Variants in DYNAP observed in about 807,000 individuals in gnomAD.
DYNAP encodes dynactin-associated protein.
Under a neutral mutation model 8.5 loss-of-function variants are expected in DYNAP, and 7 were observed. The observed-to-expected ratio is 0.82, with a 90% CI of 0.47 to 1.54. DYNAP has a LOEUF of 1.54. DYNAP is among the 40% of genes most tolerant of loss of function. DYNAP has a pLI of 0.01. For missense variants in DYNAP, 256 were observed against 224.3 expected, an observed-to-expected ratio of 1.14 and a Z score of -0.90; for synonymous variants, 77 against 77.9, an observed-to-expected ratio of 0.99 and a Z score of 0.06.
chr18:54,586,251 G>C (rs1455008713), upstream of DYNAP, among the ~76,000 whole-genome samples: 1 of 152,084 alleles, frequency 6.6e-6, no homozygotes, highest in African/African-American at 2.4e-5. Context: ...ATAAACCTCA[G>C]CTCCAAAAGC....
At chr18:54,597,741 G>A (rs757930502) in intron 2 of DYNAP, 72 bp from the exon 3 acceptor site, 176 of 1,454,116 alleles carry the variant, frequency 1.2e-4, no homozygotes, top group Non-Finnish European at 1.6e-4. Flanking sequence ...TAAGTTATAA[G>A]TAATATAAAA....
the DYNAP span, among the ~76,000 whole-genome samples, chr18:54,580,227 T>C: frequency 6.6e-6 from 1 of 152,228 alleles, no homozygotes; most frequent in African/African-American, 2.4e-5. Flanking sequence ...GCAGTAAAAA[T>C]TATGACTTGG....
Position 54,598,215 on chromosome 18 carries a change from T to C in DYNAP, c.*70T>C. On this transcript the variant is annotated 3_prime_UTR_variant, in exon 3 of 3. Transcript: ENST00000648945. ...ACCACTTCAACTCAGTTTGCAACTATAATAGCTACTCCTATCACTTCAAGT... is the reference window on the plus strand; with the variant it reads ...ACCACTTCAACTCAGTTTGCAACTACAATAGCTACTCCTATCACTTCAAGT... 1 of 1,453,562 alleles carries C rather than the reference T, an allele frequency of 6.9e-7. No homozygotes were observed. The highest frequency in any genetic ancestry group is 9.4e-7 in the Non-Finnish European group (1 of 1,062,702). The allele number at this position is 1,453,562 out of a possible 1,614,324, so 90.0% of individuals were successfully genotyped here. A position where few individuals can be genotyped will look rare whatever the true frequency, so the allele number is the denominator to read the frequency against.
At chr18:54,587,714 C>A, upstream of DYNAP, 1 of 393,672 alleles carries the variant, frequency 2.5e-6, no homozygotes, top group Non-Finnish European at 4.5e-6. Flanking sequence ...ATTGTATATC[C>A]ATATTCTGAA....
upstream of DYNAP, among the ~76,000 whole-genome samples, chr18:54,583,717 TACTC>T (rs1287862073): frequency 3.3e-5 from 5 of 152,228 alleles, no homozygotes; most frequent in African/African-American, 7.2e-5. Flanking sequence ...AATATTATCT[TACTC>T]AGCACTGCTA....
chr18:54,586,851 A>G (rs1382735173), upstream of DYNAP, among the ~76,000 whole-genome samples: 2 of 152,204 alleles, frequency 1.3e-5, no homozygotes, highest in African/African-American at 2.4e-5. Context: ...AGGGACATAA[A>G]CGTTTCTATA....
At chr18:54,586,655 C>T (rs927588201), upstream of DYNAP, among the ~76,000 whole-genome samples, 1 of 152,102 alleles carries the variant, frequency 6.6e-6, no homozygotes, top group African/African-American at 2.4e-5. Flanking sequence ...GTGGTACACA[C>T]TAGACACTAA....
chr18:54,596,616 G>C (rs1464614438), intron 2 of DYNAP, among the ~76,000 whole-genome samples: 1 of 152,178 alleles, frequency 6.6e-6, no homozygotes, highest in African/African-American at 2.4e-5. Flanking sequence ...AAAGTTTAGA[G>C]AGTTGCTAGA....
upstream of DYNAP, among the ~76,000 whole-genome samples, chr18:54,585,119 G>T (rs1271362489): frequency 6.6e-6 from 1 of 152,098 alleles, no homozygotes; most frequent in Non-Finnish European, 1.5e-5. Flanking sequence ...AGGTGTGAGG[G>T]TGCAATCCTT....
At chr18:54,591,213 A>G (rs1336964380), upstream of DYNAP, 8 of 1,610,910 alleles carry the variant, frequency 5.0e-6, no homozygotes, top group Non-Finnish European at 6.8e-6. Context: ...TCATGGTTGC[A>G]GATATAAAGG....
the DYNAP span, among the ~76,000 whole-genome samples, chr18:54,577,963 C>CAA: frequency 0.62 from 82,415 of 132,408 alleles, 25,523 homozygotes; most frequent in Middle Eastern, 0.73. Flanking sequence ...GACTCAGCCT[C>CAA]AAAAAAAAAA....
chr18:54,591,885 T>C (rs940204051), intron 1 of DYNAP, among the ~76,000 whole-genome samples: 3 of 152,164 alleles, frequency 2.0e-5, no homozygotes, highest in African/African-American at 7.2e-5. Flanking sequence ...TGTATAGTTA[T>C]CATAATCATA....
chr18:54,581,851 G>A, the DYNAP span, among the ~76,000 whole-genome samples: 1 of 152,214 alleles, frequency 6.6e-6, no homozygotes, highest in South Asian at 2.1e-4. Flanking sequence ...ATTTTTAACA[G>A]TTCTTCCACT....
At chr18:54,580,319 T>G in the DYNAP span, among the ~76,000 whole-genome samples, 1 of 152,200 alleles carries the variant, frequency 6.6e-6, no homozygotes, top group Non-Finnish European at 1.5e-5. Flanking sequence ...CCTGTCATGG[T>G]CTACAATGAA....
chr18:54,599,035 C>G lies in DYNAP; in HGVS notation c.*890C>G, dbSNP rs1399936173. ...TTTACCTATAGCCTGGAAGCCCCAA[C>G]TTTGAGTTGTCCTGCCTTTCTGAAC... On this transcript the variant is annotated 3_prime_UTR_variant, in exon 3 of 3. Coordinates refer to ENST00000648945, the MANE Select transcript of DYNAP (RefSeq NM_173629.3). The G allele has an allele frequency of 6.6e-6, 1 of 152,144 alleles. No individual in the cohort carries two copies. Among genetic ancestry groups the G allele is most frequent in the Non-Finnish European group, 1.5e-5 (1 of 68,018 alleles). 9.4% of individuals were successfully genotyped at this position (152,144 alleles called of 1,614,324 possible).
In DYNAP at chr18:54,598,100, C is replaced by T. The variant is rs1859794943; in HGVS notation, c.510C>T (p.Thr170=). 6.2e-7 allele frequency: 1 copy of T among 1,613,220 alleles called. No individual in the cohort carries two copies. Among genetic ancestry groups the T allele is most frequent in the South Asian group, 1.1e-5 (1 of 91,034 alleles). Residue 170 remains threonine (T), a synonymous_variant, in exon 3 of 3, where the codon ACC becomes ACT. Coordinates refer to ENST00000648945, the MANE Select transcript of DYNAP (RefSeq NM_173629.3). The part of the protein sequence containing the change: ...ESTTSTATAA[T]TSTEPITVAP... ...CAACTTCAACAGCTACAGCTGCCAC[C>T]ACTTCCACAGAACCTATAACTGTTG...
chr18:54,590,282 A>C (rs1231887736), upstream of DYNAP, among the ~76,000 whole-genome samples: 1 of 152,078 alleles, frequency 6.6e-6, no homozygotes, highest in Non-Finnish European at 1.5e-5. Context: ...TTTTGTGATG[A>C]CTTATTTCAA....
intron 1 of DYNAP, among the ~76,000 whole-genome samples, chr18:54,594,167 T>A (rs1000663925): frequency 6.6e-6 from 1 of 152,132 alleles, no homozygotes; most frequent in Non-Finnish European, 1.5e-5. Context: ...TTTGCCTCCC[T>A]GTTAGCAAAT....
chr18:54,594,770 G>T (rs1568241822), intron 1 of DYNAP, among the ~76,000 whole-genome samples, 169 bp from the exon 2 acceptor site: 1 of 152,092 alleles, frequency 6.6e-6, no homozygotes, highest in Non-Finnish European at 1.5e-5. Context: ...ATTAGTTAAA[G>T]TATAATATAT....
Sources: gnomAD v4.1 joint callset for allele counts (sites outside exome capture counted in the v4.1 genomes callset) on GRCh38, gnomAD v4.1.1 for gene constraint, MANE v1.5 for transcripts, NCBI Gene and HGNC (gene_info 2026-07-23, HGNC 2026-07-21) for gene names.